Variants in MACROD2 observed in about 807,000 individuals in gnomAD.
MACROD2 encodes ADP-ribose glycohydrolase MACROD2.
A neutral mutation model predicts 70.4 loss-of-function variants in MACROD2; 36 were observed. The ratio of observed to expected loss-of-function variants is 0.51; its 90% CI spans 0.39 to 0.68. The LOEUF is 0.68. Among genes scored for constraint, MACROD2 ranks in the 30% least tolerant of loss-of-function variants. MACROD2 has a pLI of 0.00. For synonymous variants in MACROD2, 172 were observed against 178.8 expected (o/e 0.96, Z 0.30); for missense variants, 496 against 538.4 (o/e 0.92, Z 0.78).
At chr20:15,715,081 G>C (rs186322504) in intron 8 of MACROD2, among the ~76,000 whole-genome samples, 1 of 152,020 alleles carries the variant, frequency 6.6e-6, no homozygotes. Context: ...CAATACCAAG[G>C]GTTCACAGGT....
chr20:15,083,661 A>T (rs2075722415), intron 5 of MACROD2, among the ~76,000 whole-genome samples: 1 of 152,002 alleles, frequency 6.6e-6, no homozygotes, highest in East Asian at 1.9e-4. Context: ...AATGGTTGGT[A>T]TTAGAGCAAA....
At chr20:14,327,630 A>G in intron 3 of MACROD2, 1 of 1,094,634 alleles carries the variant, frequency 9.1e-7, no homozygotes, top group East Asian at 2.6e-5. Context: ...TTAAAAACAA[A>G]TGTGGAAACT....
chr20:14,986,430 G>A (rs1308677922), intron 5 of MACROD2, among the ~76,000 whole-genome samples: 1 of 151,964 alleles, frequency 6.6e-6, no homozygotes, highest in Non-Finnish European at 1.5e-5. Context: ...CCATTATTAG[G>A]CAATCTCTTA....
chr20:14,597,641 C>T (rs113406063), intron 4 of MACROD2, among the ~76,000 whole-genome samples: 2 of 152,188 alleles, frequency 1.3e-5, no homozygotes, highest in African/African-American at 2.4e-5. Context: ...ATTCACTAGC[C>T]TTAGGGATAA....
chr20:14,543,916 A>G (rs901094305), intron 4 of MACROD2, among the ~76,000 whole-genome samples: 3 of 152,078 alleles, frequency 2.0e-5, no homozygotes, highest in African/African-American at 7.2e-5. Context: ...ATTTCCCTCA[A>G]ACTTGTCCAT....
chr20:15,350,842 T>C (rs2023505), intron 6 of MACROD2, among the ~76,000 whole-genome samples: 24,956 of 152,126 alleles, frequency 0.16, 2,283 homozygotes, highest in Middle Eastern at 0.26. Context: ...TATTATTCTT[T>C]ACATTTCTCC....
At chr20:16,046,388 T>C (rs2067381680) in intron 17 of MACROD2, among the ~76,000 whole-genome samples, 1 of 152,076 alleles carries the variant, frequency 6.6e-6, no homozygotes, top group Admixed American at 6.6e-5. Flanking sequence ...GCTGCAGAAA[T>C]GATACGGTTG....
intron 12 of MACROD2, among the ~76,000 whole-genome samples, chr20:15,952,528 A>G (rs998589049): frequency 6.6e-6 from 1 of 152,098 alleles, no homozygotes; most frequent in Non-Finnish European, 1.5e-5. Context: ...CTGATTTATC[A>G]TCTAATACTG....
intron 8 of MACROD2, among the ~76,000 whole-genome samples, chr20:15,647,039 A>G (rs903340554): frequency 2.0e-5 from 3 of 152,210 alleles, no homozygotes; most frequent in Admixed American, 6.5e-5. Context: ...CGTTTACTTA[A>G]TCATTTATTC....
At chr20:14,918,613 TTTTG>T (rs1255846825) in intron 5 of MACROD2, among the ~76,000 whole-genome samples, 1 of 146,860 alleles carries the variant, frequency 6.8e-6, no homozygotes, top group African/African-American at 2.7e-5. Flanking sequence ...ACTGTGTTTT[TTTTG>T]TTTTTTTTTT....
At chr20:15,277,201 A>ATCTAC (rs2077401253) in intron 6 of MACROD2, among the ~76,000 whole-genome samples, 1 of 152,184 alleles carries the variant, frequency 6.6e-6, no homozygotes, top group South Asian at 2.1e-4. Flanking sequence ...ACACTGTAAT[A>ATCTAC]TCTACTGGTA....
At chr20:14,936,145 A>T (rs764651940) in intron 5 of MACROD2, among the ~76,000 whole-genome samples, 2 of 152,196 alleles carry the variant, frequency 1.3e-5, no homozygotes, top group Non-Finnish European at 2.9e-5. Flanking sequence ...GGTATAAAGA[A>T]AACAAATGGT....
intron 4 of MACROD2, among the ~76,000 whole-genome samples, chr20:14,587,155 C>T (rs765901314): frequency 6.6e-6 from 1 of 151,644 alleles, no homozygotes; most frequent in Non-Finnish European, 1.5e-5. Flanking sequence ...ATATTTGTTT[C>T]TAGGTGATTA....
chr20:15,394,991 T>G (rs1054426048), intron 6 of MACROD2, among the ~76,000 whole-genome samples: 2 of 152,232 alleles, frequency 1.3e-5, no homozygotes, highest in Non-Finnish European at 2.9e-5. Flanking sequence ...GTCTTCAAAA[T>G]GCTGCCTGTC....
intron 2 of MACROD2, among the ~76,000 whole-genome samples, chr20:14,006,556 A>G (rs1421110787): frequency 6.6e-6 from 1 of 152,198 alleles, no homozygotes; most frequent in African/African-American, 2.4e-5. Flanking sequence ...TTTTGATATA[A>G]TTAAATATCC....
intron 6 of MACROD2, among the ~76,000 whole-genome samples, chr20:15,398,815 ATTTTGTTTTG>A (rs546092421): frequency 2.8e-4 from 42 of 151,952 alleles, no homozygotes; most frequent in Non-Finnish European, 5.6e-4. Flanking sequence ...GTTCTGTTTT[ATTTTGTTTTG>A]TTTTGTTTTT....
At chr20:15,729,774 A>G (rs55819459) in intron 8 of MACROD2, among the ~76,000 whole-genome samples, 6,388 of 142,124 alleles carry the variant, frequency 0.045, 225 homozygotes, top group Non-Finnish European at 0.063. Flanking sequence ...CTTTGAGCCT[A>G]TGGGTGTCAT....
intron 5 of MACROD2, among the ~76,000 whole-genome samples, chr20:14,729,138 G>A (rs1211976203): frequency 2.0e-5 from 3 of 152,060 alleles, no homozygotes; most frequent in African/African-American, 7.2e-5. Flanking sequence ...GCACAAAAGT[G>A]CTTGGTAAAG....
chr20:15,064,248 TAGA>T, intron 5 of MACROD2, among the ~76,000 whole-genome samples: 1 of 152,216 alleles, frequency 6.6e-6, no homozygotes, highest in East Asian at 1.9e-4. Flanking sequence ...CTCACCTCTC[TAGA>T]AGGAGGGGCA....
Sources: gnomAD v4.1 joint callset for allele counts (sites outside exome capture counted in the v4.1 genomes callset) on GRCh38, gnomAD v4.1.1 for gene constraint, MANE v1.5 for transcripts, NCBI Gene and HGNC (gene_info 2026-07-23, HGNC 2026-07-21) for gene names.